Variants in LANCL1 observed in about 807,000 individuals in gnomAD.
The protein encoded by LANCL1 is glutathione S-transferase LANCL1.
Under a neutral mutation model 50.6 loss-of-function variants are expected in LANCL1, and 50 were observed. The observed-to-expected ratio is 0.99, with a 90% confidence interval of 0.79 to 1.25. The LOEUF is 1.25. LANCL1 is among the 50% of genes most tolerant of loss of function. The pLI is 0.00. For missense variants in LANCL1, 532 were observed against 480.7 expected (o/e 1.11, Z -1.00); for synonymous variants, 188 against 178.6 (o/e 1.05, Z -0.42).
chr2:210,453,271 G>T (rs3755184), intron 4 of LANCL1, among the ~76,000 whole-genome samples: 2 of 151,970 alleles, frequency 1.3e-5, no homozygotes, highest in Admixed American at 6.6e-5. Context: ...CATACTCTTA[G>T]GAGCATTTTA....
Position 210,435,892 on chromosome 2 carries a change from G to A in LANCL1, c.1050+324C>T, listed in dbSNP as rs185067947. The stretch of plus-strand genomic sequence containing the variant: ...CTTTCTACAACCTCCTGGGAGACCT[G>A]CTTTTTTTTTTTTTTTTTTTTTTTT... On this transcript the variant is annotated intron_variant, in intron 8 of 9. Coordinates refer to ENST00000450366, the MANE Select transcript of LANCL1 (RefSeq NM_006055.3). Among the ~76,000 whole-genome samples, 342 of 113,830 alleles carry A rather than the reference G, an allele frequency of 3.0e-3. 4 individuals are homozygous for A. Among genetic ancestry groups the A allele is most frequent in the African/African-American group, 0.011 (332 of 30,770 alleles). The allele number at this position is 113,830 out of a possible 152,430, so 74.7% of individuals were successfully genotyped here.
intron 3 of LANCL1, among the ~76,000 whole-genome samples, chr2:210,456,777 T>A (rs1693686027): frequency 1.3e-5 from 2 of 152,210 alleles, no homozygotes; most frequent in South Asian, 4.1e-4. Context: ...CAAAGCCAGA[T>A]AATGACATGA....
chr2:210,471,364 T>G, intron 3 of LANCL1: 1 of 341,154 alleles, frequency 2.9e-6, no homozygotes, highest in South Asian at 2.3e-5. Flanking sequence ...ATTTTTCTCT[T>G]TCTCACCTTT....
chr2:210,435,408 T>C lies in LANCL1; in HGVS notation c.1102A>G (p.Thr368Ala). ...YGEHGCRTPD[T>A]PFSLFEGMAG... is the part of the protein sequence containing the mutation. ...ATACCTTCAAAGAGAGAGAAAGGGGTGTCTGGTGTTCTGCATCCATGTTCT... is the reference window on the plus strand; with the variant it reads ...ATACCTTCAAAGAGAGAGAAAGGGGCGTCTGGTGTTCTGCATCCATGTTCT... The change falls in exon 9 of 10, where the codon ACC becomes GCC. Residue 368 changes from threonine (T) to alanine (A), a missense_variant. By Grantham distance (58) the Thr-to-Ala change is moderately conservative. Coordinates refer to ENST00000450366, the MANE Select transcript of LANCL1 (RefSeq NM_006055.3). 1 of 1,612,738 alleles carries C rather than the reference T, an allele frequency of 6.2e-7. No individual in the cohort carries two copies. The highest frequency in any genetic ancestry group is 8.5e-7 in the Non-Finnish European group (1 of 1,179,110).
chr2:210,475,924 A>G (rs548055783), intron 2 of LANCL1, among the ~76,000 whole-genome samples: 1 of 152,194 alleles, frequency 6.6e-6, no homozygotes, highest in Non-Finnish European at 1.5e-5. Flanking sequence ...GTTTGCTCTC[A>G]TCATTACCCT....
chr2:210,431,291 A>ATACTT lies in LANCL1; in HGVS notation c.*3191_*3195dup, dbSNP rs1692737990. 1 of 152,252 alleles carries ATACTT rather than the reference A, an allele frequency of 6.6e-6. No individual in the cohort carries two copies. The highest frequency in any genetic ancestry group is 1.5e-5 in the Non-Finnish European group (1 of 68,040). The allele number at this position is 152,252 out of a possible 1,614,324, so 9.4% of individuals were successfully genotyped here. On this transcript the variant is annotated 3_prime_UTR_variant, in exon 10 of 10. Transcript: ENST00000450366. ...ATTTTATTGAGAACTAGTAAGTCAA[A>ATACTT]TACTTTACAGAACATAGAAATACAT...
At chr2:210,445,884 C>T (rs1041126912) in intron 4 of LANCL1, among the ~76,000 whole-genome samples, 1 of 152,110 alleles carries the variant, frequency 6.6e-6, no homozygotes, top group African/African-American at 2.4e-5. Context: ...CTTGTATTAT[C>T]AAAAGGTTTG....
At chr2:210,443,211 C>A (rs75409834) in intron 4 of LANCL1, among the ~76,000 whole-genome samples, 1 of 152,242 alleles carries the variant, frequency 6.6e-6, no homozygotes, top group South Asian at 2.1e-4. Context: ...AGGAAAGTAA[C>A]CATCTTTGGT....
At position 210,448,997 on chromosome 2, in the gene LANCL1, T is replaced by A. The variant is rs921889180; in HGVS notation, c.407+6110A>T. On this transcript the variant is annotated intron_variant, in intron 4 of 9. Coordinates refer to ENST00000450366, the MANE Select transcript of LANCL1 (RefSeq NM_006055.3). ...AGGAAAAAAGGGACTCCTCCCTAAC[T>A]CATTTTATGAGGCATCATCCTGATA... 9.2e-5 allele frequency among the ~76,000 whole-genome samples: 14 copies of A among 152,158 alleles called. 1 individual carries two copies. Among genetic ancestry groups the A allele is most frequent in the Admixed American group, 8.5e-4 (13 of 15,268 alleles).
At position 210,431,673 on chromosome 2, in the gene LANCL1, T is replaced by C. The variant is rs747322263; in HGVS notation, c.*2814A>G. On this transcript the variant is annotated 3_prime_UTR_variant, in exon 10 of 10. Coordinates refer to ENST00000450366, the MANE Select transcript of LANCL1 (RefSeq NM_006055.3). ...TCTCTCAATTCAGTTATTTAGGAAA[T>C]GTTAATAAAGAAAGTAACCCTAGAT... 1.3e-5 allele frequency: 2 copies of C among 152,108 alleles called. No individual in the cohort carries two copies. The highest frequency in any genetic ancestry group is 2.4e-5 in the African/African-American group (1 of 41,440). The allele number at this position is 152,108 out of a possible 1,614,324, so 9.4% of individuals were successfully genotyped here.
At chr2:210,464,178 C>T (rs539371761) in intron 3 of LANCL1, among the ~76,000 whole-genome samples, 154 of 152,256 alleles carry the variant, frequency 1.0e-3, no homozygotes, top group African/African-American at 3.7e-3. Flanking sequence ...ATTCTAAATC[C>T]TAATCTTATC....
chr2:210,440,953 C>A (rs1211363036), intron 5 of LANCL1, among the ~76,000 whole-genome samples: 2 of 152,180 alleles, frequency 1.3e-5, no homozygotes, highest in East Asian at 3.9e-4. Flanking sequence ...GGATCTTGAG[C>A]TCTTTGCATT....
rs200593414 is a variant in LANCL1 at position 210,458,880 on chromosome 2, GAAT to G, written c.200-3569_200-3567del. ...CCAAAATTGTTCGAGTTTTGACAAA[GAAT>G]GATGTAGGCAGTTTCATCTTTTTAA... is the stretch of plus-strand genomic sequence containing the variant. On this transcript the variant is annotated intron_variant, in intron 3 of 9. Coordinates refer to ENST00000450366, the MANE Select transcript of LANCL1 (RefSeq NM_006055.3). Among the ~76,000 whole-genome samples the G allele has an allele frequency of 6.7e-3, 1,017 of 152,278 alleles. 5 individuals carry two copies. The highest frequency in any genetic ancestry group is 0.01 in the Middle Eastern group (3 of 294).
At chr2:210,462,848 TCTGA>T (rs1261810278) in intron 3 of LANCL1, among the ~76,000 whole-genome samples, 8 of 152,344 alleles carry the variant, frequency 5.3e-5, no homozygotes, top group Admixed American at 1.3e-4. Flanking sequence ...CAGGGCTTAC[TCTGA>T]CTCTTATTTC....
intron 3 of LANCL1, among the ~76,000 whole-genome samples, chr2:210,458,324 T>TA (rs1559716552): frequency 1.3e-5 from 2 of 152,154 alleles, no homozygotes; most frequent in Non-Finnish European, 2.9e-5. Context: ...TTCTCAAAGC[T>TA]AGAGAGGCAG....
At chr2:210,446,053 C>T (rs980002527) in intron 4 of LANCL1, among the ~76,000 whole-genome samples, 7 of 152,152 alleles carry the variant, frequency 4.6e-5, no homozygotes, top group Admixed American at 1.3e-4. Flanking sequence ...CTTAAACATT[C>T]CTGCGTGCCG....
intron 3 of LANCL1, among the ~76,000 whole-genome samples, chr2:210,465,208 T>C (rs1559720018): frequency 6.6e-6 from 1 of 152,226 alleles, no homozygotes; most frequent in Non-Finnish European, 1.5e-5. Context: ...TATCTCTGTC[T>C]CTCCAGTAAA....
chr2:210,474,466 G>A (rs911007951), intron 2 of LANCL1, among the ~76,000 whole-genome samples: 18 of 151,872 alleles, frequency 1.2e-4, no homozygotes, highest in African/African-American at 4.1e-4. Context: ...CTGTAATCCC[G>A]GCACTTTGGG....
chr2:210,465,282 A>C (rs940020058), intron 3 of LANCL1, among the ~76,000 whole-genome samples: 1 of 152,208 alleles, frequency 6.6e-6, no homozygotes, highest in African/African-American at 2.4e-5. Context: ...TTTTTAGTGC[A>C]ATATTGTAAA....
Sources: gnomAD v4.1 joint callset for allele counts (sites outside exome capture counted in the v4.1 genomes callset) on GRCh38, gnomAD v4.1.1 for gene constraint, MANE v1.5 for transcripts, NCBI Gene and HGNC (gene_info 2026-07-23, HGNC 2026-07-21) for gene names.